Variants in PLCL1 observed in about 807,000 individuals in gnomAD.
PLCL1 encodes the protein phospholipase C like 1 (inactive), also known as inactive phospholipase C-like protein 1.
A neutral mutation model predicts 84.4 loss-of-function variants in PLCL1; 41 were observed. The observed-to-expected ratio is 0.49, with a 90% CI of 0.38 to 0.63. The LOEUF (loss-of-function observed/expected upper bound fraction) is 0.63, where lower values mean the gene tolerates loss of function less well. Ranked by LOEUF, PLCL1 falls within the 30% of genes least tolerant of loss-of-function variation. The pLI is 0.00. For missense variants in PLCL1, 1,206 were observed against 1,367.8 expected, an observed-to-expected ratio of 0.88 and a Z score of 1.87; for synonymous variants, 490 against 488.3, an observed-to-expected ratio of 1.00 and a Z score of -0.05.
intron 5 of PLCL1, among the ~76,000 whole-genome samples, chr2:198,112,085 T>G (rs1244856961): frequency 6.6e-6 from 1 of 151,922 alleles, no homozygotes; most frequent in African/African-American, 2.4e-5. Flanking sequence ...AGGTACACTT[T>G]TCTAGTGGAA....
At chr2:198,092,918 AC>A (rs1040519422) in intron 3 of PLCL1, among the ~76,000 whole-genome samples, 4 of 152,200 alleles carry the variant, frequency 2.6e-5, no homozygotes, top group African/African-American at 9.7e-5. Flanking sequence ...CTGAGTAAAA[AC>A]AATAAATAAA....
At chr2:197,821,505 G>A (rs1226252911) in intron 1 of PLCL1, among the ~76,000 whole-genome samples, 1 of 152,082 alleles carries the variant, frequency 6.6e-6, no homozygotes, top group African/African-American at 2.4e-5. Context: ...AGTAATTCAG[G>A]GATCCAGATT....
At chr2:197,810,215 A>G in intron 1 of PLCL1, 1 of 779,940 alleles carries the variant, frequency 1.3e-6, no homozygotes, top group East Asian at 7.1e-5. Context: ...TCAAATTGCC[A>G]TAGTAACATG....
At chr2:198,047,712 A>C (rs1691839216) in intron 1 of PLCL1, among the ~76,000 whole-genome samples, 1 of 152,230 alleles carries the variant, frequency 6.6e-6, no homozygotes, top group Admixed American at 6.5e-5. Flanking sequence ...AGCAATTATA[A>C]ATTGGTGTGA....
At chr2:198,060,764 A>C (rs936267535) in intron 1 of PLCL1, among the ~76,000 whole-genome samples, 2 of 152,200 alleles carry the variant, frequency 1.3e-5, no homozygotes, top group African/African-American at 4.8e-5. Flanking sequence ...CTGTTTGTTT[A>C]AAGAAATAAT....
chr2:198,027,458 G>A (rs767108347), intron 1 of PLCL1, among the ~76,000 whole-genome samples: 65 of 152,010 alleles, frequency 4.3e-4, no homozygotes, highest in Admixed American at 5.9e-4. Context: ...TAATAAAAAC[G>A]TATTGTATAC....
intron 5 of PLCL1, among the ~76,000 whole-genome samples, chr2:198,124,097 C>T (rs768201108): frequency 6.6e-6 from 1 of 152,066 alleles, no homozygotes; most frequent in Non-Finnish European, 1.5e-5. Flanking sequence ...CTTAAAACTC[C>T]ACAATTTTCT....
chr2:198,101,075 G>C (rs756529240), intron 3 of PLCL1, among the ~76,000 whole-genome samples: 1 of 152,064 alleles, frequency 6.6e-6, no homozygotes, highest in Non-Finnish European at 1.5e-5. Flanking sequence ...TGTTACACAA[G>C]AGAGTAATCA....
intron 1 of PLCL1, chr2:197,810,111 T>C: frequency 4.0e-6 from 1 of 249,652 alleles, no homozygotes; most frequent in Non-Finnish European, 8.0e-6. Context: ...GCGGCTCTCC[T>C]CCCGAGATGT....
intron 1 of PLCL1, among the ~76,000 whole-genome samples, chr2:197,860,653 C>T (rs1174383224): frequency 1.3e-5 from 2 of 151,954 alleles, no homozygotes; most frequent in Non-Finnish European, 2.9e-5. Context: ...TTTTCATATG[C>T]TTGTTGACGG....
chr2:197,922,882 G>A (rs1688738198), intron 1 of PLCL1, among the ~76,000 whole-genome samples: 1 of 132,438 alleles, frequency 7.6e-6, no homozygotes, highest in Admixed American at 7.3e-5. Context: ...CTCCCAGACG[G>A]GGCGGCTGGC....
intron 1 of PLCL1, among the ~76,000 whole-genome samples, chr2:198,020,293 T>A (rs1691100874): frequency 6.6e-6 from 1 of 152,072 alleles, no homozygotes; most frequent in Non-Finnish European, 1.5e-5. Flanking sequence ...CAAACCAAAA[T>A]ATAAAGACCA....
chr2:197,974,732 T>C (rs946251889), intron 1 of PLCL1, among the ~76,000 whole-genome samples: 4 of 152,244 alleles, frequency 2.6e-5, no homozygotes, highest in Non-Finnish European at 4.4e-5. Flanking sequence ...AATGGTATTG[T>C]GTACTTTGGG....
chr2:197,823,413 T>C (rs938828663), intron 1 of PLCL1, among the ~76,000 whole-genome samples: 26 of 152,234 alleles, frequency 1.7e-4, no homozygotes, highest in East Asian at 1.5e-3. Flanking sequence ...AGAGAATTCA[T>C]GTAGAGTGCT....
chr2:198,039,626 T>C (rs540489188), intron 1 of PLCL1, among the ~76,000 whole-genome samples: 2 of 152,342 alleles, frequency 1.3e-5, no homozygotes, highest in South Asian at 2.1e-4. Flanking sequence ...TGATCATTCT[T>C]GTTATAGTTA....
rs570955398 is a variant in PLCL1, at chr2:197,965,871, T to C, written c.241-117887T>C. Among the ~76,000 whole-genome samples, 7 of 152,286 alleles carry C rather than the reference T, an allele frequency of 4.6e-5. No individual in the cohort carries two copies. In the South Asian group the frequency reaches 1.2e-3, roughly 27 times the overall value. On this transcript the variant is annotated intron_variant, in intron 1 of 5. Transcript: ENST00000428675. The stretch of plus-strand genomic sequence containing the variant: ...GTTTGTATAGTTTCCAAAGTTTCTC[T>C]TGTTAATGATTTCTAGTTTTATTCC...
intron 1 of PLCL1, among the ~76,000 whole-genome samples, chr2:197,841,720 G>A (rs941075735): frequency 2.0e-5 from 3 of 152,102 alleles, no homozygotes; most frequent in Non-Finnish European, 4.4e-5. Context: ...AACTCATTTG[G>A]GTAAATATCA....
Position 198,101,311 on chromosome 2 carries a change from A to G in PLCL1, c.2946A>G (p.Ile982Met). ...DLMIQESRFL[I>M]EMADTVQEKI... ...TGATTCAAGAGAGCCGGTTTCTCATAGAAATGGCGGACACAGTCCAGGAAA... is the reference window on the plus strand; with the variant it reads ...TGATTCAAGAGAGCCGGTTTCTCATGGAAATGGCGGACACAGTCCAGGAAA... Residue 982 changes from isoleucine (I) to methionine (M), a missense_variant, in exon 4 of 6, where the codon ATA becomes ATG. Ile to Met is a conservative substitution (Grantham distance 10). Transcript: ENST00000428675. 6.2e-7 allele frequency: 1 copy of G among 1,601,432 alleles called. No homozygotes were observed. The highest frequency in any genetic ancestry group is 1.3e-5 in the African/African-American group (1 of 74,468).
chr2:198,071,506 A>T (rs1692463539), intron 1 of PLCL1, among the ~76,000 whole-genome samples: 1 of 151,860 alleles, frequency 6.6e-6, no homozygotes, highest in South Asian at 2.1e-4. Context: ...TAGTAATCTG[A>T]TAGGTAAAAA....
Sources: allele counts gnomAD v4.1 joint callset (sites outside exome capture counted in the v4.1 genomes callset), GRCh38; gene constraint gnomAD v4.1.1; transcripts MANE v1.5; gene names NCBI Gene and HGNC (gene_info 2026-07-23, HGNC 2026-07-21).